CELF2: variants seen among roughly 807,000 people sequenced by gnomAD.
The protein encoded by CELF2 is CUG triplet repeat RNA-binding protein 2.
CELF2 carries 8 observed loss-of-function variants against 62.6 expected under a neutral mutation model. The ratio of observed to expected loss-of-function variants is 0.13; its 90% CI spans 0.07 to 0.23. The LOEUF is 0.23. CELF2 is among the 10% of genes least tolerant of loss of function. CELF2 has a pLI of 1.00. For missense variants in CELF2, 333 were observed against 671.0 expected (o/e 0.50, Z 5.56); for synonymous variants, 258 against 250.0 (o/e 1.03, Z -0.30).
chr10:10,904,878 A>G (rs184302337), intron 1 of CELF2, among the ~76,000 whole-genome samples: 29 of 152,344 alleles, frequency 1.9e-4, no homozygotes, highest in African/African-American at 6.7e-4. Context: ...AAACACTTCA[A>G]GATCTATAAG....
At chr10:10,634,665 T>G in the CELF2 span, among the ~76,000 whole-genome samples, 2 of 53,632 alleles carry the variant, frequency 3.7e-5, no homozygotes, top group African/African-American at 1.2e-4. Flanking sequence ...TCTTTTCTTT[T>G]CTTTTTTTTT....
intron 1 of CELF2, among the ~76,000 whole-genome samples, chr10:10,864,619 G>A (rs1016980875): frequency 3.9e-5 from 6 of 152,110 alleles, no homozygotes; most frequent in Non-Finnish European, 8.8e-5. Context: ...GAAGCGTTCT[G>A]GCTCAGGTCT....
At position 11,321,609 on chromosome 10, in the gene CELF2, C is replaced by T. The variant is rs976535661; in HGVS notation, c.1294+223C>T. On this transcript the variant is annotated intron_variant, in intron 11 of 12. Coordinates refer to ENST00000633077, the MANE Select transcript of CELF2 (RefSeq NM_001326342.2). This position sits in a 1 kb window ranked among gnomAD's most constrained non-coding sequence, Gnocchi z 6.2. ...GTTGAGATGGGAGGATCGCTTGAGC[C>T]CAGGAGCTGAGGCTGCAGTGAGCCA... 2.6e-5 allele frequency among the ~76,000 whole-genome samples: 4 copies of T among 152,148 alleles called. No homozygotes were observed. The highest frequency in any genetic ancestry group is 9.7e-5 in the African/African-American group (4 of 41,422).
rs1444068748 is a variant in CELF2 at position 11,098,821 on chromosome 10, G to A, written c.75-66665G>A. The stretch of plus-strand genomic sequence containing the variant: ...GATTTGACCGAGGCTTCTTGGCTCT[G>A]CACCGGGTGATAATTCTACCTGGGC... On this transcript the variant is annotated intron_variant, in intron 1 of 12. Transcript: ENST00000633077. This position sits in a 1 kb window ranked among gnomAD's most constrained non-coding sequence, Gnocchi z 4.0. 2.6e-5 allele frequency among the ~76,000 whole-genome samples: 4 copies of A among 152,190 alleles called. No individual in the cohort carries two copies. Among genetic ancestry groups the A allele is most frequent in the Admixed American group, 2.6e-4 (4 of 15,280 alleles).
At chr10:10,804,835 C>T (rs1005447721) in intron 1 of CELF2, among the ~76,000 whole-genome samples, 2 of 152,054 alleles carry the variant, frequency 1.3e-5, no homozygotes, top group South Asian at 2.1e-4. Context: ...TTTCACATGC[C>T]GGGAAGTCTC....
At chr10:11,040,177 T>C (rs1313474459) in intron 1 of CELF2, among the ~76,000 whole-genome samples, 1 of 152,144 alleles carries the variant, frequency 6.6e-6, no homozygotes, top group Non-Finnish European at 1.5e-5. Flanking sequence ...AAGGAAAGGG[T>C]GGCATTTCAT....
chr10:11,014,652 C>G (rs191587570), upstream of CELF2, among the ~76,000 whole-genome samples: 1 of 151,924 alleles, frequency 6.6e-6, no homozygotes, highest in East Asian at 1.9e-4. Context: ...AGTGATAATT[C>G]AGTGCTCAAT....
At chr10:10,762,748 G>GA in the CELF2 span, among the ~76,000 whole-genome samples, 3 of 151,682 alleles carry the variant, frequency 2.0e-5, no homozygotes, top group Admixed American at 1.3e-4. Context: ...AGAAAGATTT[G>GA]AAAAAAAATG....
At chr10:11,202,004 A>C (rs2059326648) in intron 2 of CELF2, among the ~76,000 whole-genome samples, 1 of 152,088 alleles carries the variant, frequency 6.6e-6, no homozygotes, top group Non-Finnish European at 1.5e-5. Flanking sequence ...TCAGTCTTAA[A>C]ATTTGGCCTC....
chr10:11,278,524 G>A (rs1230761228), intron 8 of CELF2, among the ~76,000 whole-genome samples: 1 of 152,216 alleles, frequency 6.6e-6, no homozygotes, highest in Non-Finnish European at 1.5e-5. Context: ...GAGAAAGGGA[G>A]TAAGAGAAAG....
intron 1 of CELF2, among the ~76,000 whole-genome samples, chr10:11,059,659 A>T (rs1285244310): frequency 6.6e-6 from 1 of 152,022 alleles, no homozygotes; most frequent in Non-Finnish European, 1.5e-5. Flanking sequence ...AGCCTTGCAG[A>T]CTCCGAGATA....
intron 3 of CELF2, among the ~76,000 whole-genome samples, chr10:11,236,817 A>G (rs2071517436): frequency 6.6e-6 from 1 of 152,232 alleles, no homozygotes; most frequent in Non-Finnish European, 1.5e-5. Flanking sequence ...TACGTGCATG[A>G]GAAGGGTCAT....
intron 4 of CELF2, among the ~76,000 whole-genome samples, chr10:11,254,388 AT>A (rs1318438438): frequency 6.6e-6 from 1 of 152,254 alleles, no homozygotes; most frequent in Non-Finnish European, 1.5e-5. Context: ...GGAAGTTAAC[AT>A]TTTGATAACG....
the CELF2 span, among the ~76,000 whole-genome samples, chr10:10,760,982 A>G: frequency 3.9e-5 from 6 of 152,334 alleles, no homozygotes; most frequent in Admixed American, 3.3e-4. Flanking sequence ...GGGTGGTGAC[A>G]TGGTCTAAGT....
chr10:11,197,782 C>G (rs1402041993), intron 2 of CELF2, among the ~76,000 whole-genome samples: 2 of 152,210 alleles, frequency 1.3e-5, no homozygotes, highest in Non-Finnish European at 2.9e-5. Flanking sequence ...TCTCCTCATG[C>G]TTAGTGTGCT....
At chr10:11,000,668 A>T (rs2054425821), upstream of CELF2, among the ~76,000 whole-genome samples, 1 of 152,098 alleles carries the variant, frequency 6.6e-6, no homozygotes, top group African/African-American at 2.4e-5. Flanking sequence ...AGTGAAAGCA[A>T]CTCATATGAA....
At chr10:11,090,165 C>A (rs2047926171) in intron 1 of CELF2, among the ~76,000 whole-genome samples, 1 of 151,220 alleles carries the variant, frequency 6.6e-6, no homozygotes, top group Admixed American at 6.6e-5. Flanking sequence ...CATGTAATCC[C>A]TGAATCTAAA....
chr10:11,046,066 A>G lies in CELF2; in HGVS notation c.74+27903A>G, dbSNP rs2062780151. ...CGACTCGCTCATGAAGAGTTTGAAC[A>G]TACAGGGAGACCAGCTGACTTGAGC... is the stretch of plus-strand genomic sequence containing the variant. On this transcript the variant is annotated intron_variant, in intron 1 of 12. Transcript: ENST00000633077. This position sits in a 1 kb window ranked among gnomAD's most constrained non-coding sequence, Gnocchi z 4.6. 6.6e-6 allele frequency among the ~76,000 whole-genome samples: 1 copy of G among 152,218 alleles called. No homozygotes were observed. The highest frequency in any genetic ancestry group is 1.5e-5 in the Non-Finnish European group (1 of 68,038).
chr10:10,499,663 A>T, the CELF2 span, among the ~76,000 whole-genome samples: 1 of 152,158 alleles, frequency 6.6e-6, no homozygotes, highest in African/African-American at 2.4e-5. Flanking sequence ...GCAGATCATG[A>T]GGTCAAGAGT....
Sources: gnomAD v4.1 joint callset for allele counts (sites outside exome capture counted in the v4.1 genomes callset) on GRCh38, gnomAD v4.1.1 for gene constraint, Gnocchi (gnomAD v3.1) non-coding constraint, MANE v1.5 for transcripts, NCBI Gene and HGNC (gene_info 2026-07-23, HGNC 2026-07-21) for gene names.